C1orf141: variants seen among roughly 807,000 people sequenced by gnomAD.
C1orf141 encodes uncharacterized protein C1orf141.
A neutral mutation model predicts 23.2 loss-of-function variants in C1orf141; 19 were observed. The observed-to-expected ratio is 0.82, with a 90% CI of 0.57 to 1.20. The LOEUF is 1.20. Ranked by LOEUF, C1orf141 falls within the 50% of genes most tolerant of loss-of-function variation. The pLI, the probability that C1orf141 is intolerant of heterozygous loss-of-function variation, is 0.00. For missense variants in C1orf141, 469 were observed against 455.1 expected (o/e 1.03, Z -0.28); for synonymous variants, 153 against 154.6 (o/e 0.99, Z 0.08).
At chr1:67,111,500 G>T in intron 5 of C1orf141, 1 of 522,226 alleles carries the variant, frequency 1.9e-6, no homozygotes, top group Non-Finnish European at 3.2e-6. Context: ...TTTTGGATTT[G>T]TAGGAGCATA....
intron 4 of C1orf141, among the ~76,000 whole-genome samples, chr1:67,120,457 G>C (rs996584830): frequency 6.6e-6 from 1 of 152,090 alleles, no homozygotes; most frequent in East Asian, 1.9e-4. Context: ...GGGGGACAGG[G>C]GTGGAATTCT....
chr1:67,134,089 C>T (rs867913380), intron 1 of C1orf141, among the ~76,000 whole-genome samples: 4 of 152,142 alleles, frequency 2.6e-5, no homozygotes, highest in Non-Finnish European at 4.4e-5. Context: ...CTACAACCTC[C>T]GCCTCCCAGG....
Position 67,093,233 on chromosome 1 carries a change from T to C in C1orf141, c.975A>G (p.Thr325=). 1.2e-6 allele frequency: 2 copies of C among 1,613,966 alleles called. No homozygotes were observed. Among genetic ancestry groups the C allele is most frequent in the East Asian group, 2.2e-5 (1 of 44,850 alleles). The change falls in exon 8 of 8, where the codon ACA becomes ACG. Residue 325 remains threonine, a synonymous_variant. Transcript: ENST00000684719. ...YNFSQNFSSL[T]KQFVGYLDKA... ...TATCAAGGTAACCCACAAATTGTTT[T>C]GTTAGGCTAGAAAAATTCTGTGAGA...
At chr1:67,124,157 T>C (rs1050062353) in intron 4 of C1orf141, among the ~76,000 whole-genome samples, 6 of 152,194 alleles carry the variant, frequency 3.9e-5, no homozygotes, top group African/African-American at 1.2e-4. Context: ...CACTAAAACA[T>C]TGGGCTACAA....
chr1:67,132,521 C>CA (rs986825394), intron 1 of C1orf141, among the ~76,000 whole-genome samples: 3,357 of 139,552 alleles, frequency 0.024, 97 homozygotes, highest in African/African-American at 0.075. Flanking sequence ...GTCTCCATTT[C>CA]AAAAAAAAAA....
intron 5 of C1orf141, chr1:67,111,784 TG>T (rs1558194517): frequency 2.4e-6 from 1 of 417,500 alleles, no homozygotes; most frequent in African/African-American, 2.1e-5. Context: ...TGCTTGTACA[TG>T]GTTAGAGCTA....
intron 4 of C1orf141, among the ~76,000 whole-genome samples, chr1:67,116,498 G>T (rs547891161): frequency 5.9e-5 from 9 of 151,532 alleles, no homozygotes; most frequent in East Asian, 1.9e-4. Context: ...CATTCTCTTC[G>T]CAATACAGCC....
chr1:67,093,089 A>C lies in C1orf141; in HGVS notation c.1119T>G (p.Pro373=). The C allele has an allele frequency of 6.2e-7, 1 of 1,612,382 alleles. No individual in the cohort carries two copies. Among genetic ancestry groups the C allele is most frequent in the Non-Finnish European group, 8.5e-7 (1 of 1,178,486 alleles). The change falls in exon 8 of 8, where the codon CCT becomes CCG. Residue 373 remains proline (P), a synonymous_variant. Coordinates refer to ENST00000684719, the MANE Select transcript of C1orf141 (RefSeq NM_001276351.2). ...SALPVKCYSK[P]FKYIYELNNV... ...TATTTAGTTCATATATATATTTAAA[A>C]GGCTTTGAGTAACATTTGACAGGTA...
chr1:67,104,601 C>G (rs1010195838), intron 5 of C1orf141, among the ~76,000 whole-genome samples: 1 of 152,028 alleles, frequency 6.6e-6, no homozygotes, highest in East Asian at 1.9e-4. Flanking sequence ...TAACCAGCCC[C>G]GGATAGATTT....
At chr1:67,101,449 A>AGTGTGTGTGTGTGTGTGTGT (rs10688535) in intron 5 of C1orf141, among the ~76,000 whole-genome samples, 9 of 135,286 alleles carry the variant, frequency 6.7e-5, no homozygotes, top group African/African-American at 1.9e-4. Flanking sequence ...TGAATGTAAG[A>AGTGTGTGTGTGTGTGTGTGT]GTGTGTGTGT....
intron 6 of C1orf141, chr1:67,095,685 G>A (rs1265200062): frequency 3.2e-6 from 1 of 311,640 alleles, no homozygotes; most frequent in African/African-American, 2.2e-5. Context: ...AGGTTGAGGA[G>A]AACACCAAAG....
At chr1:67,135,386 A>G (rs144559744), upstream of C1orf141, among the ~76,000 whole-genome samples, 4 of 151,932 alleles carry the variant, frequency 2.6e-5, no homozygotes, top group Non-Finnish European at 5.9e-5. Flanking sequence ...TTCATGGCTT[A>G]TGATATTAAA....
At chr1:67,097,993 T>C (rs1433904320) in intron 5 of C1orf141, among the ~76,000 whole-genome samples, 1 of 152,176 alleles carries the variant, frequency 6.6e-6, no homozygotes, top group African/African-American at 2.4e-5. Context: ...CCATTGCCAA[T>C]TGGCTAACCT....
upstream of C1orf141, among the ~76,000 whole-genome samples, chr1:67,137,618 G>C (rs1188784696): frequency 6.6e-6 from 1 of 152,134 alleles, no homozygotes; most frequent in Non-Finnish European, 1.5e-5. Flanking sequence ...GACTATGCAG[G>C]TGTGGCCACC....
chr1:67,126,671 G>A (rs552437846), intron 3 of C1orf141, among the ~76,000 whole-genome samples: 32 of 152,294 alleles, frequency 2.1e-4, no homozygotes, highest in African/African-American at 7.2e-4. Flanking sequence ...AATAACTGAG[G>A]TCTACCCTCT....
At chr1:67,106,832 C>T (rs1470070727) in intron 5 of C1orf141, among the ~76,000 whole-genome samples, 1 of 152,082 alleles carries the variant, frequency 6.6e-6, no homozygotes, top group Non-Finnish European at 1.5e-5. Flanking sequence ...ACTGGTTGAG[C>T]TTAAAACAAA....
At chr1:67,095,086 A>G (rs978031896) in intron 7 of C1orf141, 149 bp downstream of exon 7, 1 of 528,392 alleles carries the variant, frequency 1.9e-6, no homozygotes, top group Non-Finnish European at 3.3e-6. Context: ...AAAGTGCATT[A>G]AGAACTTAAG....
intron 5 of C1orf141, among the ~76,000 whole-genome samples, chr1:67,109,103 G>A (rs944926537): frequency 6.6e-6 from 1 of 152,046 alleles, no homozygotes; most frequent in South Asian, 2.1e-4. Flanking sequence ...CGAGGCAGGC[G>A]GATCACGAGG....
chr1:67,107,969 T>C (rs1385217853), intron 5 of C1orf141, among the ~76,000 whole-genome samples: 1 of 152,180 alleles, frequency 6.6e-6, no homozygotes, highest in Non-Finnish European at 1.5e-5. Context: ...GCCTACTCCC[T>C]GCCCTCATAT....
Sources: allele counts gnomAD v4.1 joint callset (sites outside exome capture counted in the v4.1 genomes callset), GRCh38; gene constraint gnomAD v4.1.1; transcripts MANE v1.5; gene names NCBI Gene and HGNC (gene_info 2026-07-23, HGNC 2026-07-21).